Variants in FBXO31 observed in about 807,000 individuals in gnomAD.
FBXO31 encodes the protein F-box protein 31, also known as F-box only protein 31.
FBXO31 carries 24 observed loss-of-function variants against 54.4 expected under a neutral mutation model. The ratio of observed to expected loss-of-function variants is 0.44; its 90% CI spans 0.32 to 0.62. FBXO31 has a LOEUF of 0.62. Among genes scored for constraint, FBXO31 ranks in the 20% least tolerant of loss-of-function variants. FBXO31 has a pLI of 0.05. For missense variants in FBXO31, 665 were observed against 787.1 expected, an observed-to-expected ratio of 0.84 and a Z score of 1.86; for synonymous variants, 388 against 335.6, an observed-to-expected ratio of 1.16 and a Z score of -1.71.
chr16:87,383,737 A>C lies in FBXO31; in HGVS notation c.8T>G (p.Val3Gly). MAVCARLCGVGPS... is the reference protein window; with the variant it reads MAGCARLCGVGPS... ...GCCCACGCCGCAAAGGCGAGCACACACCGCCATGCCGCCCAGTGACGGCCA... is the reference window on the plus strand; with the variant it reads ...GCCCACGCCGCAAAGGCGAGCACACCCCGCCATGCCGCCCAGTGACGGCCA... The change falls in exon 1 of 9, where the codon GTG (valine) becomes GGG (glycine). Residue 3 changes from valine to glycine, a missense_variant. Transcript: ENST00000311635. The surrounding 1 kb of genome is among the most constrained non-coding windows in gnomAD (Gnocchi z 4.9). 1.6e-6 allele frequency: 2 copies of C among 1,215,684 alleles called. No homozygotes were observed. The highest frequency in any genetic ancestry group is 2.0e-6 in the Non-Finnish European group (2 of 980,580). 75.3% of individuals were successfully genotyped at this position (1,215,684 alleles called of 1,614,324 possible).
intron 2 of FBXO31, among the ~76,000 whole-genome samples, chr16:87,357,792 G>A (rs1263379960): frequency 1.3e-5 from 2 of 152,066 alleles, no homozygotes; most frequent in Non-Finnish European, 2.9e-5. Flanking sequence ...AATTTGCTGG[G>A]CATGGTGGTG....
rs1161607858 is a variant in FBXO31, at chr16:87,380,374, G to A, written c.340+3031C>T. Among the ~76,000 whole-genome samples, 4 of 151,734 alleles carry A rather than the reference G, an allele frequency of 2.6e-5. 1 individual carries two copies. The highest frequency in any genetic ancestry group is 4.2e-4 in the South Asian group (2 of 4,806). Reference sequence around the variant, plus strand: ...TTTAAGTCCTTTATTGGGGATGGCCGGAAATATGCCTGGTTCATCATTTTT... The same window carrying A: ...TTTAAGTCCTTTATTGGGGATGGCCAGAAATATGCCTGGTTCATCATTTTT... On this transcript the variant is annotated intron_variant, in intron 1 of 8. Coordinates refer to ENST00000311635, the MANE Select transcript of FBXO31 (RefSeq NM_024735.5).
chr16:87,351,082 G>A (rs1192327259), intron 2 of FBXO31, among the ~76,000 whole-genome samples: 1 of 152,238 alleles, frequency 6.6e-6, no homozygotes, highest in Non-Finnish European at 1.5e-5. Flanking sequence ...AGCGTGGCCA[G>A]ATGGGCTGCC....
rs1905055820 is a variant in FBXO31 at position 87,336,727 on chromosome 16, G to A, written c.733-463C>T. 6.6e-6 allele frequency among the ~76,000 whole-genome samples: 1 copy of A among 152,182 alleles called. No individual in the cohort carries two copies. On this transcript the variant is annotated intron_variant, in intron 5 of 8. Coordinates refer to ENST00000311635, the MANE Select transcript of FBXO31 (RefSeq NM_024735.5). This position sits in a 1 kb window ranked among gnomAD's most constrained non-coding sequence, Gnocchi z 6.5. Reference sequence around the variant, plus strand: ...CACCAACCCTGAGCCGTGCGAGTCAGCCAAGGACGATGCACTGAGCCCTCG... The same window carrying A: ...CACCAACCCTGAGCCGTGCGAGTCAACCAAGGACGATGCACTGAGCCCTCG...
At chr16:87,353,984 TG>T (rs1217682599) in intron 2 of FBXO31, among the ~76,000 whole-genome samples, 15 of 152,390 alleles carry the variant, frequency 9.8e-5, no homozygotes, top group African/African-American at 3.6e-4. Context: ...CGGCCCCCGC[TG>T]TGCTCCCACA....
At chr16:87,369,635 T>C (rs1906512755) in intron 1 of FBXO31, among the ~76,000 whole-genome samples, 1 of 152,294 alleles carries the variant, frequency 6.6e-6, no homozygotes, top group Non-Finnish European at 1.5e-5. Context: ...GCTTCAGACA[T>C]AGGTGTCAAG....
intron 1 of FBXO31, among the ~76,000 whole-genome samples, chr16:87,374,052 C>A (rs1039161080): frequency 3.3e-5 from 5 of 151,986 alleles, no homozygotes; most frequent in Admixed American, 2.6e-4. Flanking sequence ...CCAGCCCGGG[C>A]AACACTGTGA....
intron 2 of FBXO31, among the ~76,000 whole-genome samples, chr16:87,350,167 A>AGT (rs1905589169): frequency 6.6e-6 from 1 of 151,976 alleles, no homozygotes; most frequent in Admixed American, 6.6e-5. Flanking sequence ...GGAGCACTGG[A>AGT]GTGGCAAGAC....
upstream of FBXO31, among the ~76,000 whole-genome samples, chr16:87,388,178 C>G (rs901485946): frequency 6.6e-6 from 1 of 152,214 alleles, no homozygotes; most frequent in Non-Finnish European, 1.5e-5. Context: ...TTTGTCAGTG[C>G]TTTACCACGC....
chr16:87,371,941 G>C (rs1906620705), intron 1 of FBXO31, among the ~76,000 whole-genome samples: 1 of 151,966 alleles, frequency 6.6e-6, no homozygotes, highest in South Asian at 2.1e-4. Flanking sequence ...AAAAATGTTT[G>C]GGCTGGGTGC....
chr16:87,373,383 T>C (rs1013956555), intron 1 of FBXO31, among the ~76,000 whole-genome samples: 45 of 151,708 alleles, frequency 3.0e-4, no homozygotes, highest in Non-Finnish European at 3.1e-4. Flanking sequence ...ACCCAGGAGG[T>C]GGAGCTTGCA....
At chr16:87,344,403 T>C (rs1394636578) in intron 3 of FBXO31, among the ~76,000 whole-genome samples, 1 of 152,180 alleles carries the variant, frequency 6.6e-6, no homozygotes, top group Non-Finnish European at 1.5e-5. Context: ...ATCGTGCAAA[T>C]GCAGAGGCGG....
Position 87,336,335 on chromosome 16 carries a change from T to C in FBXO31, c.733-71A>G, listed in dbSNP as rs2150669726. The C allele has an allele frequency of 1.5e-6, 2 of 1,374,856 alleles. No homozygotes were observed. The highest frequency in any genetic ancestry group is 2.3e-5 in the South Asian group (2 of 85,668). The allele number at this position is 1,374,856 out of a possible 1,614,324, so 85.2% of individuals were successfully genotyped here. ...GTGAAGAGGCTGCCGGCTGTGCCGC[T>C]GAGAGGACACAGTGTGTCCTTCTTT... is the stretch of plus-strand genomic sequence containing the variant. On this transcript the variant is annotated intron_variant, in intron 5 of 8. Transcript: ENST00000311635. This position sits in a 1 kb window ranked among gnomAD's most constrained non-coding sequence, Gnocchi z 6.5.
chr16:87,332,840 A>G (rs1410977109), intron 8 of FBXO31, among the ~76,000 whole-genome samples: 1 of 152,210 alleles, frequency 6.6e-6, no homozygotes, highest in Non-Finnish European at 1.5e-5. Context: ...GCTTGGAGGT[A>G]AAAGGAAAAT....
At position 87,338,902 on chromosome 16, in the gene FBXO31, G is replaced by A. The variant is rs1350960320; in HGVS notation, c.733-2638C>T. Among the ~76,000 whole-genome samples, 1 of 152,166 alleles carries A rather than the reference G, an allele frequency of 6.6e-6. No homozygotes were observed. The highest frequency in any genetic ancestry group is 1.5e-5 in the Non-Finnish European group (1 of 68,034). On this transcript the variant is annotated intron_variant, in intron 5 of 8. Transcript: ENST00000311635. The surrounding 1 kb of genome is among the most constrained non-coding windows in gnomAD (Gnocchi z 4.3). ...GACCCCAGGAGGTAACTGAATCATG[G>A]GGGTGGGGTCTTTTCCATGCTGCTC...
chr16:87,340,268 C>T (rs1313581834), intron 5 of FBXO31, among the ~76,000 whole-genome samples: 1 of 152,206 alleles, frequency 6.6e-6, no homozygotes, highest in African/African-American at 2.4e-5. Flanking sequence ...GTGTGGGGGA[C>T]AGGGCGAGAC....
chr16:87,355,809 T>G (rs1905866730), intron 2 of FBXO31, among the ~76,000 whole-genome samples: 1 of 152,160 alleles, frequency 6.6e-6, no homozygotes, highest in South Asian at 2.1e-4. Flanking sequence ...TCCACCTGCC[T>G]CGGGGACAAA....
At chr16:87,373,108 C>A (rs1474217227) in intron 1 of FBXO31, among the ~76,000 whole-genome samples, 1 of 151,778 alleles carries the variant, frequency 6.6e-6, no homozygotes, top group African/African-American at 2.4e-5. Flanking sequence ...CCTCCTGCCT[C>A]AGCCTCCCAA....
intron 2 of FBXO31, among the ~76,000 whole-genome samples, chr16:87,350,845 G>GAGTT (rs1905622163): frequency 6.6e-6 from 1 of 152,206 alleles, no homozygotes; most frequent in Admixed American, 6.5e-5. Context: ...CCCAAAGTGG[G>GAGTT]AGTTCCCTGT....
Sources: gnomAD v4.1 joint callset for allele counts (sites outside exome capture counted in the v4.1 genomes callset) on GRCh38, gnomAD v4.1.1 for gene constraint, Gnocchi (gnomAD v3.1) non-coding constraint, MANE v1.5 for transcripts, NCBI Gene and HGNC (gene_info 2026-07-23, HGNC 2026-07-21) for gene names.